The following TLN2 variants were observed in gnomAD, a reference collection of about 807,000 sequenced individuals.
TLN2 encodes the protein talin 2.
Under a neutral mutation model 294.7 loss-of-function variants are expected in TLN2, and 118 were observed. The observed-to-expected ratio is 0.40, with a 90% CI of 0.34 to 0.47. TLN2 has a LOEUF of 0.47. Ranked by LOEUF, TLN2 falls within the 20% of genes least tolerant of loss-of-function variation. The pLI is 0.84. For synonymous variants in TLN2, 1,431 were observed against 1,304.5 expected (o/e 1.10, Z -2.09); for missense variants, 3,083 against 3,282.2 (o/e 0.94, Z 1.48).
At chr15:62,395,816 A>C (rs928381114) in intron 1 of TLN2, among the ~76,000 whole-genome samples, 2 of 152,146 alleles carry the variant, frequency 1.3e-5, no homozygotes, top group African/African-American at 4.8e-5. Flanking sequence ...TGTATGTTGC[A>C]TGACCGTATT....
chr15:62,836,318 A>G (rs2069571307), intron 57 of TLN2, among the ~76,000 whole-genome samples: 1 of 152,220 alleles, frequency 6.6e-6, no homozygotes, highest in Admixed American at 6.5e-5. Context: ...AGCCCAACCC[A>G]GCAGACCCCT....
chr15:62,404,839 G>C (rs752039975), intron 1 of TLN2, among the ~76,000 whole-genome samples: 2 of 152,126 alleles, frequency 1.3e-5, no homozygotes, highest in Non-Finnish European at 2.9e-5. Context: ...GGAGTTAAAG[G>C]AGCTTGCCCT....
Position 62,625,485 on chromosome 15 carries a change from T to C in TLN2, c.-37+7010T>C, listed in dbSNP as rs192724471. Among the ~76,000 whole-genome samples the C allele has an allele frequency of 6.6e-5, 10 of 152,222 alleles. No homozygotes were observed. In the East Asian group the frequency reaches 1.7e-3, roughly 27 times the overall value. On this transcript the variant is annotated intron_variant, in intron 3 of 58. Coordinates refer to ENST00000636159, the MANE Select transcript of TLN2 (RefSeq NM_015059.3). ...TAGGCTGTGGTTACAGCAAGAAATA[T>C]GGGGAAATGCCCTCTGCTACGAGAT... is the stretch of plus-strand genomic sequence containing the variant.
At chr15:62,713,929 A>ATATATATATATATATATATATGC (rs368958929) in intron 22 of TLN2, among the ~76,000 whole-genome samples, 4 of 125,204 alleles carry the variant, frequency 3.2e-5, no homozygotes, top group Admixed American at 1.7e-4. Context: ...GTGTGTGTGT[A>ATATATATATATATATATATATGC]TGTGTGTGTG....
At chr15:62,534,606 G>A (rs2041233373) in intron 1 of TLN2, among the ~76,000 whole-genome samples, 1 of 152,092 alleles carries the variant, frequency 6.6e-6, no homozygotes, top group South Asian at 2.1e-4. Context: ...AGGAGTGATT[G>A]GTTAAATCAT....
intron 1 of TLN2, among the ~76,000 whole-genome samples, chr15:62,463,259 C>T (rs1406145307): frequency 6.6e-6 from 1 of 152,214 alleles, no homozygotes; most frequent in Non-Finnish European, 1.5e-5. Context: ...ACCGTCCGCC[C>T]ACCTCTGTGT....
intron 54 of TLN2, among the ~76,000 whole-genome samples, chr15:62,822,902 G>A (rs2067700488): frequency 6.6e-6 from 1 of 152,082 alleles, no homozygotes; most frequent in Non-Finnish European, 1.5e-5. Context: ...ATGATGGAAG[G>A]GTCTGTGTTT....
At chr15:62,523,306 G>GT (rs1197952425) in intron 1 of TLN2, among the ~76,000 whole-genome samples, 1 of 152,204 alleles carries the variant, frequency 6.6e-6, no homozygotes, top group Non-Finnish European at 1.5e-5. Flanking sequence ...GGACATGGTG[G>GT]TGTTCTCCTG....
intron 53 of TLN2, among the ~76,000 whole-genome samples, chr15:62,820,077 G>A (rs1035873222): frequency 3.3e-5 from 5 of 152,158 alleles, no homozygotes; most frequent in Non-Finnish European, 7.4e-5. Context: ...TTGAATTAAG[G>A]TGAGGGGTCA....
chr15:62,576,423 G>A (rs1390714992), intron 1 of TLN2, among the ~76,000 whole-genome samples: 3 of 152,070 alleles, frequency 2.0e-5, no homozygotes, highest in African/African-American at 7.3e-5. Flanking sequence ...CTCAGGGGTT[G>A]CACCCTCCCC....
In TLN2 at chr15:62,711,927, G is replaced by A. The variant is rs1270349836; in HGVS notation, c.2484G>A (p.Gln828=). Residue 828 remains glutamine, a synonymous_variant, in exon 22 of 59, where the codon CAG becomes CAA. Transcript: ENST00000636159. ...SMGDAGEMVR[Q]ARVLAQATSD... ...GTCTTCTAGGTGAAATGGTGCGCCA[G>A]GCGCGGGTTCTGGCCCAAGCCACAT... 6.2e-7 allele frequency: 1 copy of A among 1,608,770 alleles called. No homozygotes were observed. Among genetic ancestry groups the A allele is most frequent in the African/African-American group, 1.3e-5 (1 of 74,868 alleles).
intron 26 of TLN2, among the ~76,000 whole-genome samples, chr15:62,723,396 C>T (rs951766268): frequency 5.3e-5 from 8 of 152,120 alleles, no homozygotes; most frequent in African/African-American, 7.2e-5. Flanking sequence ...GTTGTAGAGC[C>T]TGAACATCTG....
chr15:62,504,846 T>TGTGTGTGTGTGAGA (rs1207922838), intron 1 of TLN2, among the ~76,000 whole-genome samples: 37 of 144,388 alleles, frequency 2.6e-4, no homozygotes, highest in African/African-American at 9.2e-4. Context: ...TGTGTGTGTG[T>TGTGTGTGTGTGAGA]GAGAGAGAGA....
intron 24 of TLN2, 36 bp from the exon 25 acceptor site, chr15:62,719,731 C>A: frequency 6.6e-7 from 1 of 1,514,766 alleles, no homozygotes; most frequent in South Asian, 1.3e-5. Flanking sequence ...TCCCACCATT[C>A]TAGCCATGCT....
intron 41 of TLN2, 117 bp from the exon 42 acceptor site, chr15:62,770,847 C>A: frequency 1.6e-6 from 2 of 1,257,004 alleles, no homozygotes; most frequent in Non-Finnish European, 2.2e-6. Context: ...AGCAGATCTG[C>A]CTCTCCCTGT....
rs2054847190 is a variant in TLN2, at chr15:62,667,438, C to T, written c.789-6389C>T. ...CCAGCATCCTTTGGGTGATGCTGTC[C>T]CTATTGTACCTCCACCATCCCTCCC... On this transcript the variant is annotated intron_variant, in intron 9 of 58. Transcript: ENST00000636159. Among the ~76,000 whole-genome samples, 3 of 152,032 alleles carry T rather than the reference C, an allele frequency of 2.0e-5. No individual in the cohort carries two copies. The South Asian group carries it at 6.2e-4, about 32-fold the overall frequency.
In TLN2 at chr15:62,653,461, C is replaced by T. The variant is rs1344128260; in HGVS notation, c.517+147C>T. 3.9e-6 allele frequency: 4 copies of T among 1,037,362 alleles called. No homozygotes were observed. In the South Asian group the frequency reaches 9.2e-5, roughly 24 times the overall value. The allele number at this position is 1,037,362 out of a possible 1,614,324, so 64.3% of individuals were successfully genotyped here. A position where few individuals can be genotyped will look rare whatever the true frequency, so the allele number is the denominator to read the frequency against. On this transcript the variant is annotated intron_variant, in intron 7 of 58. Transcript: ENST00000636159. ...AAAAAGTAGGCTGGGCTCAGTGGCT[C>T]ACTTCTATAATCCCAGTATTTTGGG...
intron 45 of TLN2, among the ~76,000 whole-genome samples, chr15:62,786,515 A>G (rs1361332496): frequency 1.3e-5 from 2 of 152,224 alleles, no homozygotes; most frequent in Non-Finnish European, 2.9e-5. Context: ...CCCTTAAAAA[A>G]AGAAGAAGAA....
chr15:62,713,162 G>C (rs556323319), intron 22 of TLN2, among the ~76,000 whole-genome samples: 1 of 151,486 alleles, frequency 6.6e-6, no homozygotes, highest in Non-Finnish European at 1.5e-5. Flanking sequence ...CCACCTACTC[G>C]GGAGGCTGAG....
Sources: gnomAD v4.1 joint callset for allele counts (sites outside exome capture counted in the v4.1 genomes callset) on GRCh38, gnomAD v4.1.1 for gene constraint, MANE v1.5 for transcripts, NCBI Gene and HGNC (gene_info 2026-07-23, HGNC 2026-07-21) for gene names.